CAST: variants seen among roughly 807,000 people sequenced by gnomAD.
CAST encodes the protein MIR583 host.
In CAST, 76 loss-of-function variants were observed where a neutral mutation model predicts 119.6. That is an observed-to-expected ratio of 0.64 (90% confidence interval 0.53 to 0.77). The LOEUF is 0.77. CAST is among the 30% of genes least tolerant of loss of function. CAST has a pLI of 0.00. For synonymous variants in CAST, 319 were observed against 331.6 expected (o/e 0.96, Z 0.41); for missense variants, 953 against 946.5 (o/e 1.01, Z -0.09).
chr5:96,633,651 G>A (rs1334782483), intron 1 of CAST, among the ~76,000 whole-genome samples: 3 of 152,156 alleles, frequency 2.0e-5, no homozygotes, highest in Admixed American at 1.3e-4. Flanking sequence ...ATTTATTAAG[G>A]CCCTATTTAT....
At position 96,662,601 on chromosome 5, in the gene CAST, T is replaced by C. The variant is rs1748691947; in HGVS notation, c.75+104T>C. ...CGTTGCCAGGCTGGCGGGTCTGCAG[T>C]CCCCGGCGCCCCCGCGGGGCAGGGA... On this transcript the variant is annotated intron_variant, in intron 1 of 31. Coordinates refer to ENST00000675179, the MANE Select transcript of CAST (RefSeq NM_001750.7). 3 of 1,236,208 alleles carry C rather than the reference T, an allele frequency of 2.4e-6. No individual in the cohort carries two copies. In the African/African-American group the frequency reaches 4.8e-5, roughly 20 times the overall value. The allele number at this position is 1,236,208 out of a possible 1,614,324, so 76.6% of individuals were successfully genotyped here.
the CAST span, among the ~76,000 whole-genome samples, chr5:96,261,453 G>A: frequency 6.6e-6 from 1 of 152,174 alleles, no homozygotes; most frequent in Non-Finnish European, 1.5e-5. Flanking sequence ...ATATACCATA[G>A]GGAAAGGCTA....
chr5:96,632,340 A>T (rs952991448), intron 1 of CAST, among the ~76,000 whole-genome samples: 7 of 150,868 alleles, frequency 4.6e-5, no homozygotes, highest in Non-Finnish European at 8.9e-5. Context: ...GACACACAAA[A>T]TTTTTTAATT....
chr5:96,377,785 CT>C, the CAST span, among the ~76,000 whole-genome samples: 3 of 152,104 alleles, frequency 2.0e-5, no homozygotes, highest in Non-Finnish European at 2.9e-5. Context: ...TGTTAGGATG[CT>C]TTTTTCCCCC....
chr5:96,484,005 A>G, the CAST span, among the ~76,000 whole-genome samples: 3 of 152,178 alleles, frequency 2.0e-5, 1 homozygote, highest in East Asian at 5.8e-4. Context: ...AAGCCTTACT[A>G]GCAATTAACT....
the CAST span, chr5:96,400,038 G>C: frequency 5.6e-6 from 9 of 1,614,012 alleles, no homozygotes; most frequent in Non-Finnish European, 7.6e-6. Context: ...AAATCCACCA[G>C]AGCTTTGGCA....
chr5:96,327,950 G>A, the CAST span, among the ~76,000 whole-genome samples: 2 of 152,206 alleles, frequency 1.3e-5, no homozygotes, highest in Non-Finnish European at 2.9e-5. Context: ...TGATTATGAA[G>A]ATGATTATTC....
chr5:96,735,105 A>G (rs1761353855), intron 9 of CAST, among the ~76,000 whole-genome samples: 1 of 152,234 alleles, frequency 6.6e-6, no homozygotes, highest in Admixed American at 6.5e-5. Flanking sequence ...TGGCCCCCAC[A>G]GTGTTTCTAG....
At position 96,614,545 on chromosome 5, in the gene CAST, T is replaced by C. The variant is rs138304867; in HGVS notation, c.61-60994T>C. Among the ~76,000 whole-genome samples the C allele has an allele frequency of 3.7e-4, 56 of 152,246 alleles. No individual in the cohort carries two copies. The East Asian group carries it at 9.8e-3, about 27-fold the overall frequency. On this transcript the variant is annotated intron_variant, in intron 1 of 11. Transcript: ENST00000505143. ...CAAGAAAAGGAAACATGATTTGAAA[T>C]GTTTGGCAGGGGATTAGAAGAGGAA... is the stretch of plus-strand genomic sequence containing the variant.
At chr5:96,491,282 G>T in the CAST span, among the ~76,000 whole-genome samples, 1 of 151,068 alleles carries the variant, frequency 6.6e-6, no homozygotes, top group Non-Finnish European at 1.5e-5. Flanking sequence ...TCAGGAGATC[G>T]AGACCATCCT....
chr5:96,368,635 T>A, the CAST span, among the ~76,000 whole-genome samples: 3 of 152,118 alleles, frequency 2.0e-5, no homozygotes. Context: ...CTCAGCCTGC[T>A]GCAGAGCTGT....
rs148831262 is a variant in CAST at position 96,633,335 on chromosome 5, A to C, written c.61-42204A>C. The stretch of plus-strand genomic sequence containing the variant: ...TTAACAATAGCATCTCTTCCAATCC[A>C]TGAACACAATATGTTTTTCCATGTA... On this transcript the variant is annotated intron_variant, in intron 1 of 11. Transcript: ENST00000505143. Among the ~76,000 whole-genome samples the C allele has an allele frequency of 7.6e-3, 1,157 of 152,308 alleles. 16 individuals carry two copies. Among genetic ancestry groups the C allele is most frequent in the African/African-American group, 0.026 (1,093 of 41,566 alleles).
At chr5:96,688,403 C>G (rs1752320545) in intron 2 of CAST, among the ~76,000 whole-genome samples, 1 of 152,142 alleles carries the variant, frequency 6.6e-6, no homozygotes, top group Non-Finnish European at 1.5e-5. Flanking sequence ...AGTATATAAT[C>G]AGAGGTGTAC....
chr5:96,257,800 C>T, the CAST span, among the ~76,000 whole-genome samples: 1 of 152,242 alleles, frequency 6.6e-6, no homozygotes, highest in Non-Finnish European at 1.5e-5. Flanking sequence ...CGAGGGCTTA[C>T]TCACTATGGG....
the CAST span, among the ~76,000 whole-genome samples, chr5:96,375,657 C>T: frequency 6.6e-6 from 1 of 151,730 alleles, no homozygotes; most frequent in East Asian, 1.9e-4. Context: ...TGGTTAACAT[C>T]TACAATCAGC....
chr5:96,055,857 G>T, the CAST span, among the ~76,000 whole-genome samples: 1 of 151,960 alleles, frequency 6.6e-6, no homozygotes, highest in East Asian at 1.9e-4. Flanking sequence ...TAAAAATGGA[G>T]ATAATAGGTG....
At chr5:96,728,887 G>A (rs1334047864) in intron 6 of CAST, 4 of 381,310 alleles carry the variant, frequency 1.0e-5, no homozygotes, top group Non-Finnish European at 1.9e-5. Flanking sequence ...AGAGACATAC[G>A]TGTATTTGAA....
chr5:96,723,116 T>TTTCGTTTG (rs371010985), intron 4 of CAST, among the ~76,000 whole-genome samples: 3,514 of 151,998 alleles, frequency 0.023, 126 homozygotes, highest in African/African-American at 0.08. Context: ...CTAATTGTTT[T>TTTCGTTTG]TTTGTTTGTT....
chr5:96,230,456 C>T, the CAST span, among the ~76,000 whole-genome samples: 3 of 152,134 alleles, frequency 2.0e-5, no homozygotes, highest in Admixed American at 2.0e-4. Context: ...CTTGAAACTT[C>T]CCCCTTGATA....
Sources: gnomAD v4.1 joint callset for allele counts (sites outside exome capture counted in the v4.1 genomes callset) on GRCh38, gnomAD v4.1.1 for gene constraint, MANE v1.5 for transcripts, NCBI Gene and HGNC (gene_info 2026-07-23, HGNC 2026-07-21) for gene names.